PRKN: variants seen among roughly 807,000 people sequenced by gnomAD.
PRKN encodes the protein E3 ubiquitin-protein ligase parkin.
Under a neutral mutation model 59.5 loss-of-function variants are expected in PRKN, and 56 were observed. The observed-to-expected ratio is 0.94, with a 90% confidence interval of 0.76 to 1.18. The LOEUF (loss-of-function observed/expected upper bound fraction) is 1.18, where lower values mean the gene tolerates loss of function less well. Ranked by LOEUF, PRKN falls within the 50% of genes most tolerant of loss-of-function variation. The pLI, the probability that PRKN is intolerant of heterozygous loss-of-function variation, is 0.00. For missense variants in PRKN, 657 were observed against 596.4 expected (o/e 1.10, Z -1.06); for synonymous variants, 250 against 222.1 (o/e 1.13, Z -1.12).
At chr6:162,196,444 G>A (rs1784500302) in intron 4 of PRKN, among the ~76,000 whole-genome samples, 1 of 152,162 alleles carries the variant, frequency 6.6e-6, no homozygotes, top group African/African-American at 2.4e-5. Flanking sequence ...TCCCTTGTGT[G>A]TTCAACTCTG....
At chr6:161,934,958 T>C (rs1239065492) in intron 6 of PRKN, among the ~76,000 whole-genome samples, 1 of 152,080 alleles carries the variant, frequency 6.6e-6, no homozygotes, top group Non-Finnish European at 1.5e-5. Context: ...CTAGAAATAA[T>C]TAGGTCTGTC....
Position 161,359,760 on chromosome 6 carries a change from G to A in PRKN, c.1285+328C>T, listed in dbSNP as rs1442793952. Among the ~76,000 whole-genome samples the A allele has an allele frequency of 6.6e-6, 1 of 152,156 alleles. No individual in the cohort carries two copies. Among genetic ancestry groups the A allele is most frequent in the Non-Finnish European group, 1.5e-5 (1 of 68,032 alleles). ...ATCAGCGCTGGGGAAGGTCACCAGG[G>A]AGGACAGAAAAACCACAGCTGCCTC... On this transcript the variant is annotated intron_variant, in intron 11 of 11. Coordinates refer to ENST00000366898, the MANE Select transcript of PRKN (RefSeq NM_004562.3). This position sits in a 1 kb window ranked among gnomAD's most constrained non-coding sequence, Gnocchi z 5.4.
chr6:162,063,849 A>G (rs1004662263), intron 4 of PRKN, among the ~76,000 whole-genome samples: 2 of 152,208 alleles, frequency 1.3e-5, no homozygotes, highest in Non-Finnish European at 2.9e-5. Flanking sequence ...GCAGCCCTGG[A>G]ATTTCTTATT....
chr6:162,563,317 C>CAA (rs55881751), intron 1 of PRKN, among the ~76,000 whole-genome samples: 40 of 145,794 alleles, frequency 2.7e-4, no homozygotes, highest in South Asian at 6.4e-4. Context: ...AAACAAAAAA[C>CAA]AAAAAAAAAA....
intron 4 of PRKN, among the ~76,000 whole-genome samples, chr6:162,150,409 G>T: frequency 6.6e-6 from 1 of 152,100 alleles, no homozygotes. Flanking sequence ...TTTCTTGAGG[G>T]CAGAATCTTC....
chr6:161,646,649 G>A (rs1039114610), intron 7 of PRKN, among the ~76,000 whole-genome samples: 1 of 152,204 alleles, frequency 6.6e-6, no homozygotes, highest in Admixed American at 6.5e-5. Context: ...GCGTGGAGGA[G>A]GCGAAACGTC....
intron 7 of PRKN, among the ~76,000 whole-genome samples, chr6:161,669,291 T>C (rs1045404449): frequency 1.3e-5 from 2 of 152,220 alleles, no homozygotes; most frequent in Admixed American, 6.5e-5. Flanking sequence ...AGTTTTATTA[T>C]AGCAGCCTGA....
intron 9 of PRKN, among the ~76,000 whole-genome samples, chr6:161,394,165 A>C (rs749554651): frequency 2.0e-5 from 3 of 152,216 alleles, no homozygotes; most frequent in Non-Finnish European, 4.4e-5. Context: ...CACAATTTTG[A>C]AAAGAAGAAA....
intron 2 of PRKN, among the ~76,000 whole-genome samples, chr6:162,336,093 C>A (rs1471731469): frequency 2.6e-5 from 4 of 152,072 alleles, no homozygotes; most frequent in Non-Finnish European, 5.9e-5. Flanking sequence ...TGGGCTCCAT[C>A]TGTGAAATAC....
At chr6:161,567,027 T>TG (rs1341823796) in intron 8 of PRKN, among the ~76,000 whole-genome samples, 15 of 114,892 alleles carry the variant, frequency 1.3e-4, no homozygotes, top group African/African-American at 5.2e-4. Context: ...TCCTTGTTTT[T>TG]TTTTTTTTTT....
At chr6:161,699,104 G>A (rs1786141604) in intron 7 of PRKN, among the ~76,000 whole-genome samples, 1 of 152,096 alleles carries the variant, frequency 6.6e-6, no homozygotes. Flanking sequence ...GAAGATACAA[G>A]GGTGGCAAAT....
Position 161,379,739 on chromosome 6 carries a change from C to T in PRKN, c.1167+7055G>A, listed in dbSNP as rs1354382182. Reference sequence around the variant, plus strand: ...TCAGAAGGCTCATCCAGCTCCAGAGCTCCTTCTAGGACCTGCTGTGGCAAC... The same window carrying T: ...TCAGAAGGCTCATCCAGCTCCAGAGTTCCTTCTAGGACCTGCTGTGGCAAC... On this transcript the variant is annotated intron_variant, in intron 10 of 11. Transcript: ENST00000366898. The surrounding 1 kb of genome is among the most constrained non-coding windows in gnomAD (Gnocchi z 4.9). Among the ~76,000 whole-genome samples the T allele has an allele frequency of 6.6e-6, 1 of 152,228 alleles. No homozygotes were observed. Among genetic ancestry groups the T allele is most frequent in the African/African-American group, 2.4e-5 (1 of 41,466 alleles).
intron 1 of PRKN, among the ~76,000 whole-genome samples, chr6:162,692,280 G>T (rs1392534887): frequency 1.3e-5 from 2 of 151,996 alleles, no homozygotes. Context: ...GCAGTCTTGA[G>T]GTTTTCAAAC....
intron 6 of PRKN, among the ~76,000 whole-genome samples, chr6:161,846,729 T>C (rs1793213305): frequency 6.6e-6 from 1 of 152,212 alleles, no homozygotes; most frequent in Non-Finnish European, 1.5e-5. Flanking sequence ...GGGTCCCACC[T>C]TACCAAATTC....
chr6:162,307,844 T>C (rs1782302364), intron 2 of PRKN, among the ~76,000 whole-genome samples: 1 of 141,342 alleles, frequency 7.1e-6, no homozygotes, highest in East Asian at 1.9e-4. Context: ...TCCTTTCAGC[T>C]ATTACGATAT....
chr6:161,993,608 C>T (rs963798282), intron 5 of PRKN, among the ~76,000 whole-genome samples: 9 of 152,182 alleles, frequency 5.9e-5, no homozygotes, highest in African/African-American at 1.4e-4. Context: ...GCCAGCATTA[C>T]ATTGATACCA....
chr6:162,297,395 T>A (rs1007975274), intron 2 of PRKN, among the ~76,000 whole-genome samples: 4 of 152,204 alleles, frequency 2.6e-5, no homozygotes, highest in African/African-American at 9.6e-5. Context: ...TCCACCTGTG[T>A]CTGATACCAT....
intron 5 of PRKN, among the ~76,000 whole-genome samples, chr6:162,024,667 G>A (rs1562468094): frequency 1.3e-5 from 2 of 152,172 alleles, no homozygotes; most frequent in African/African-American, 2.4e-5. Context: ...TCACTATAGT[G>A]AACAATTTTT....
At chr6:161,752,770 T>A (rs953788647) in intron 7 of PRKN, among the ~76,000 whole-genome samples, 1 of 152,124 alleles carries the variant, frequency 6.6e-6, no homozygotes, top group South Asian at 2.1e-4. Flanking sequence ...AGTAGAGAGA[T>A]CATTTAGTAG....
Sources: allele counts gnomAD v4.1 joint callset (sites outside exome capture counted in the v4.1 genomes callset), GRCh38; gene constraint gnomAD v4.1.1; non-coding constraint Gnocchi (gnomAD v3.1); transcripts MANE v1.5; gene names NCBI Gene and HGNC (gene_info 2026-07-23, HGNC 2026-07-21).